GOPC: variants seen among roughly 807,000 people sequenced by gnomAD.
GOPC encodes the protein Golgi-associated PDZ and coiled-coil motif-containing protein.
In GOPC, 32 loss-of-function variants were observed where a neutral mutation model predicts 51.2. The ratio of observed to expected loss-of-function variants is 0.63; its 90% CI spans 0.47 to 0.84. GOPC has a LOEUF of 0.84. Among genes scored for constraint, GOPC ranks in the 40% least tolerant of loss-of-function variants. The pLI, the probability that GOPC is intolerant of heterozygous loss-of-function variation, is 0.00. For synonymous variants in GOPC, 190 were observed against 205.1 expected, an observed-to-expected ratio of 0.93 and a Z score of 0.63; for missense variants, 441 against 555.5, an observed-to-expected ratio of 0.79 and a Z score of 2.07.
Position 117,602,295 on chromosome 6 carries a change from G to A in GOPC, c.-7C>T, listed in dbSNP as rs766306993. On this transcript the variant is annotated 5_prime_UTR_variant, in exon 1 of 9. In the 5' UTR this introduces an upstream ATG that the reference lacks. Transcript: ENST00000368498. ...ATGGACCGCCCGCCGACATGGCGCC[G>A]TCAAGGGCCTCTCCCGACTGCTGAA... The A allele has an allele frequency of 2.5e-6, 4 of 1,582,086 alleles. No individual in the cohort carries two copies. Among genetic ancestry groups the A allele is most frequent in the Middle Eastern group, 1.8e-4 (1 of 5,658 alleles).
At chr6:117,574,830 C>T (rs1055500296) in intron 4 of GOPC, among the ~76,000 whole-genome samples, 2 of 152,158 alleles carry the variant, frequency 1.3e-5, no homozygotes, top group African/African-American at 4.8e-5. Context: ...CCTGTAATCC[C>T]AGCACTTTGG....
intron 7 of GOPC, among the ~76,000 whole-genome samples, chr6:117,568,158 C>A (rs1779737093): frequency 6.6e-6 from 1 of 151,964 alleles, no homozygotes; most frequent in Non-Finnish European, 1.5e-5. Context: ...CGTAATTGTG[C>A]CACTGCACTC....
intron 1 of GOPC, among the ~76,000 whole-genome samples, chr6:117,591,702 A>G (rs535456468): frequency 3.3e-5 from 5 of 152,340 alleles, no homozygotes; most frequent in African/African-American, 1.2e-4. Flanking sequence ...CAAATAGATC[A>G]GTTTTATTGA....
At chr6:117,594,173 C>G (rs1259942488) in intron 1 of GOPC, among the ~76,000 whole-genome samples, 2 of 152,164 alleles carry the variant, frequency 1.3e-5, no homozygotes, top group African/African-American at 4.8e-5. Flanking sequence ...TATCTTGTGC[C>G]TTGCTTCTTT....
intron 4 of GOPC, 109 bp downstream of exon 4, chr6:117,575,068 G>C: frequency 1.2e-6 from 1 of 831,002 alleles, no homozygotes; most frequent in Non-Finnish European, 1.8e-6. Context: ...AACAGAGCAA[G>C]ACTCCATCTC....
rs745787664 is a variant in GOPC at position 117,569,558 on chromosome 6, T to G, written c.1077+14A>C. 5 of 1,611,478 alleles carry G rather than the reference T, an allele frequency of 3.1e-6. No homozygotes were observed. The South Asian group carries it at 5.5e-5, about 18-fold the overall frequency. ...ATTGATAGATCCAGTTCTAATTACA[T>G]GAAGGGAATTTACCTGCTGAGAAAG... On this transcript the variant is annotated intron_variant, in intron 7 of 8. Transcript: ENST00000368498.
chr6:117,593,810 G>T lies in GOPC; in HGVS notation c.285+8194C>A, dbSNP rs183023982. Among the ~76,000 whole-genome samples the T allele has an allele frequency of 1.3e-3, 199 of 152,256 alleles. 1 individual carries two copies. Among genetic ancestry groups the T allele is most frequent in the African/African-American group, 4.6e-3 (191 of 41,536 alleles). ...TTCAGGCAACCAGCTGCACAAGATTGTCACTTGGATTTATCCTGAACTCCC... is the reference window on the plus strand; with the variant it reads ...TTCAGGCAACCAGCTGCACAAGATTTTCACTTGGATTTATCCTGAACTCCC... On this transcript the variant is annotated intron_variant, in intron 1 of 8. Coordinates refer to ENST00000368498, the MANE Select transcript of GOPC (RefSeq NM_020399.4).
rs1362493649 is a variant in GOPC at position 117,562,713 on chromosome 6, T to G, written c.*541A>C. 1 of 206,688 alleles carries G rather than the reference T, an allele frequency of 4.8e-6. No homozygotes were observed. Among genetic ancestry groups the G allele is most frequent in the Non-Finnish European group, 9.9e-6 (1 of 101,104 alleles). The allele number at this position is 206,688 out of a possible 1,614,324, so 12.8% of individuals were successfully genotyped here. On this transcript the variant is annotated 3_prime_UTR_variant, in exon 9 of 9. Transcript: ENST00000368498. The stretch of plus-strand genomic sequence containing the variant: ...CATTACAATAAATGATCATTAATAA[T>G]TGGTTTAGATTTTAGGATGCACAAT...
intron 1 of GOPC, among the ~76,000 whole-genome samples, chr6:117,591,023 T>C (rs1780109283): frequency 6.6e-6 from 1 of 152,138 alleles, no homozygotes; most frequent in Non-Finnish European, 1.5e-5. Context: ...CAGCTAATTT[T>C]GTATATTTAG....
chr6:117,570,816 A>G, intron 6 of GOPC, 44 bp downstream of exon 6: 1 of 867,514 alleles, frequency 1.2e-6, no homozygotes, highest in Admixed American at 2.1e-5. Flanking sequence ...GCATGATTAT[A>G]CTAGATAACT....
chr6:117,589,410 C>T (rs1780081751), intron 1 of GOPC, among the ~76,000 whole-genome samples: 1 of 152,256 alleles, frequency 6.6e-6, no homozygotes, highest in African/African-American at 2.4e-5. Flanking sequence ...ACCTCCACCT[C>T]CCGGGTTCAA....
At chr6:117,596,070 A>AT (rs1197433487) in intron 1 of GOPC, among the ~76,000 whole-genome samples, 5 of 149,936 alleles carry the variant, frequency 3.3e-5, no homozygotes, top group Non-Finnish European at 7.5e-5. Flanking sequence ...ATTTTTTTTT[A>AT]TTTTTTTGAT....
intron 7 of GOPC, among the ~76,000 whole-genome samples, chr6:117,568,196 G>A (rs765307870): frequency 7.2e-5 from 11 of 151,818 alleles, no homozygotes; most frequent in Admixed American, 2.0e-4. Context: ...TGAGATCCTG[G>A]CTCCAAAAAA....
intron 1 of GOPC, among the ~76,000 whole-genome samples, chr6:117,595,246 CAGTT>C (rs1484740089): frequency 6.6e-6 from 1 of 152,166 alleles, no homozygotes; most frequent in African/African-American, 2.4e-5. Context: ...TACTTGGCGT[CAGTT>C]AGTCTAAATC....
At chr6:117,580,906 T>C (rs180895990) in intron 1 of GOPC, among the ~76,000 whole-genome samples, 120 of 152,260 alleles carry the variant, frequency 7.9e-4, no homozygotes, top group African/African-American at 2.8e-3. Context: ...TTACAGTGTA[T>C]CTAGTACAGT....
At chr6:117,579,910 A>G (rs1273605312) in intron 1 of GOPC, among the ~76,000 whole-genome samples, 3 of 152,136 alleles carry the variant, frequency 2.0e-5, no homozygotes, top group African/African-American at 4.8e-5. Context: ...ACAAGCTTTC[A>G]TATCAACTGG....
At chr6:117,563,808 G>A (rs1212355606) in intron 8 of GOPC, among the ~76,000 whole-genome samples, 1 of 151,594 alleles carries the variant, frequency 6.6e-6, no homozygotes, top group Non-Finnish European at 1.5e-5. Flanking sequence ...ATTAACATTA[G>A]TAATCTGAGG....
chr6:117,573,829 A>G (rs1779841141), intron 4 of GOPC, among the ~76,000 whole-genome samples, 197 bp from the exon 5 acceptor site: 1 of 152,148 alleles, frequency 6.6e-6, no homozygotes, highest in Admixed American at 6.5e-5. Context: ...TCAAGGGAAA[A>G]ACCAGTAAAA....
intron 5 of GOPC, 86 bp downstream of exon 5, chr6:117,573,381 C>G: frequency 1.4e-6 from 2 of 1,424,222 alleles, no homozygotes; most frequent in Non-Finnish European, 1.9e-6. Flanking sequence ...TCAAACAATA[C>G]TAGAATAAAG....
Sources: allele counts gnomAD v4.1 joint callset (sites outside exome capture counted in the v4.1 genomes callset), GRCh38; gene constraint gnomAD v4.1.1; transcripts MANE v1.5; gene names NCBI Gene and HGNC (gene_info 2026-07-23, HGNC 2026-07-21).